PCNX2: variants seen among roughly 807,000 people sequenced by gnomAD.
PCNX2 encodes the protein pecanex-like protein 2.
PCNX2 carries 168 observed loss-of-function variants against 223.8 expected under a neutral mutation model. That is an observed-to-expected ratio of 0.75 (90% CI 0.66 to 0.85). PCNX2 has a LOEUF of 0.85. Among genes scored for constraint, PCNX2 ranks in the 40% least tolerant of loss-of-function variants. The pLI is 0.00. For missense variants in PCNX2, 2,507 were observed against 2,675.5 expected (o/e 0.94, Z 1.39); for synonymous variants, 1,006 against 1,052.6 (o/e 0.96, Z 0.86).
intron 26 of PCNX2, among the ~76,000 whole-genome samples, chr1:233,019,632 C>T (rs1040012910): frequency 2.6e-5 from 4 of 152,028 alleles, no homozygotes; most frequent in African/African-American, 7.3e-5. Flanking sequence ...ACCCAGCAAG[C>T]AGGATGAGCG....
At chr1:232,998,145 G>A in intron 32 of PCNX2, 106 bp downstream of exon 32, 3 of 1,203,752 alleles carry the variant, frequency 2.5e-6, no homozygotes, top group Non-Finnish European at 3.3e-6. Context: ...TTGTCCCAAT[G>A]CAAGAAGGTG....
rs1422476377 is a variant in PCNX2, at chr1:233,262,100, AGG to A, written c.423_424del (p.Leu142ProfsTer85). 3 of 1,613,768 alleles carry A rather than the reference AGG, an allele frequency of 1.9e-6. No homozygotes were observed. In the African/African-American group the frequency reaches 4.0e-5, roughly 22 times the overall value. ...GCTTTGCCCTCTGGAGCTGCAGCGG[AGG>A]GGAGGCGTGGAGAGGTTTCGACTGG... On this transcript the variant is annotated frameshift_variant, in exon 3 of 34. Transcript: ENST00000258229. LOFTEE classifies it high-confidence loss of function.
At chr1:233,177,926 T>C in intron 16 of PCNX2, 28 bp from the exon 17 acceptor site, 1 of 1,564,400 alleles carries the variant, frequency 6.4e-7, no homozygotes, top group South Asian at 1.1e-5. Context: ...CAATACTTCA[T>C]CAAAGATGTT....
chr1:233,153,192 T>G (rs1399875836), intron 19 of PCNX2, among the ~76,000 whole-genome samples: 1 of 152,112 alleles, frequency 6.6e-6, no homozygotes, highest in African/African-American at 2.4e-5. Context: ...AAGTATGAAG[T>G]AGAATAAAAC....
At chr1:232,996,182 G>A (rs1571990938) in intron 32 of PCNX2, among the ~76,000 whole-genome samples, 1 of 152,214 alleles carries the variant, frequency 6.6e-6, no homozygotes, top group East Asian at 1.9e-4. Flanking sequence ...TTTCTGCCAA[G>A]CTTCAAGAAA....
At position 232,999,294 on chromosome 1, in the gene PCNX2, C is replaced by T; in HGVS notation, c.5414G>A (p.Ser1805Asn). The change falls in exon 31 of 34, where the codon AGT (serine) becomes AAT (asparagine). Residue 1805 changes from serine (S) to asparagine (N), a missense_variant. By Grantham distance (46) the Ser-to-Asn change is conservative. Around this residue, in one of 3 missense-constraint regions of PCNX2, gnomAD observed 1,372 missense variants for 1,509.4 expected, o/e 0.91. Coordinates refer to ENST00000258229, the MANE Select transcript of PCNX2 (RefSeq NM_014801.4). ...FLRNRNPERG[S>N]IQNNKQVLRN... ...CAGGACCTGCTTATTGTTCTGGATA[C>T]TGCCGCGCTCCGGATTGCGGTTGCG... The T allele has an allele frequency of 6.2e-7, 1 of 1,611,334 alleles. No individual in the cohort carries two copies. Among genetic ancestry groups the T allele is most frequent in the Non-Finnish European group, 8.5e-7 (1 of 1,178,684 alleles).
At chr1:233,077,941 T>A (rs1673171398) in intron 23 of PCNX2, among the ~76,000 whole-genome samples, 1 of 152,158 alleles carries the variant, frequency 6.6e-6, no homozygotes, top group Non-Finnish European at 1.5e-5. Flanking sequence ...GCTTCCAAAG[T>A]GACAAGAAAA....
rs140114287 is a variant in PCNX2, at chr1:233,062,466, C to T, written c.4077-5176G>A. On this transcript the variant is annotated intron_variant, in intron 23 of 33. Transcript: ENST00000258229. ...CTTTTTTTCCATATAAGTTTTGCTA[C>T]GTGACTTAATGCATTGATATTCATA... 4.4e-3 allele frequency among the ~76,000 whole-genome samples: 669 copies of T among 152,154 alleles called. 6 individuals are homozygous for T. Among genetic ancestry groups the T allele is most frequent in the African/African-American group, 0.015 (616 of 41,522 alleles).
chr1:233,050,617 G>C (rs1261294539), intron 25 of PCNX2, among the ~76,000 whole-genome samples: 1 of 152,146 alleles, frequency 6.6e-6, no homozygotes, highest in East Asian at 1.9e-4. Flanking sequence ...TGCTGGGATA[G>C]CTGGCTAGCC....
intron 21 of PCNX2, among the ~76,000 whole-genome samples, chr1:233,107,222 C>A (rs997361131): frequency 1.3e-5 from 2 of 150,986 alleles, no homozygotes; most frequent in Non-Finnish European, 3.0e-5. Flanking sequence ...CAAAACCATG[C>A]ACAGCCTTTT....
intron 19 of PCNX2, among the ~76,000 whole-genome samples, chr1:233,145,410 A>AT (rs1412897349): frequency 2.6e-5 from 4 of 152,096 alleles, no homozygotes; most frequent in Admixed American, 1.3e-4. Context: ...GCCAAGACTC[A>AT]TTTTTTTCCA....
At chr1:233,132,056 C>T (rs1181416179) in intron 21 of PCNX2, among the ~76,000 whole-genome samples, 2 of 151,990 alleles carry the variant, frequency 1.3e-5, no homozygotes, top group African/African-American at 4.8e-5. Context: ...CCTGCATCAG[C>T]CTCCTGACTA....
intron 10 of PCNX2, among the ~76,000 whole-genome samples, chr1:233,225,404 C>T (rs922169918): frequency 3.5e-4 from 53 of 152,204 alleles, no homozygotes; most frequent in African/African-American, 1.3e-3. Context: ...GGTTTCATAG[C>T]CATCCTAAGA....
the PCNX2 span, among the ~76,000 whole-genome samples, chr1:233,301,881 T>G: frequency 6.6e-6 from 1 of 151,212 alleles, no homozygotes; most frequent in African/African-American, 2.4e-5. Flanking sequence ...AATCTCTGTC[T>G]CCTGGGTTCA....
At position 233,234,126 on chromosome 1, in the gene PCNX2, T is replaced by C. The variant is rs988144070; in HGVS notation, c.2358+2719A>G. Among the ~76,000 whole-genome samples the C allele has an allele frequency of 2.0e-5, 3 of 152,310 alleles. No individual in the cohort carries two copies. The East Asian group carries it at 5.8e-4, about 29-fold the overall frequency. On this transcript the variant is annotated intron_variant, in intron 9 of 33. Transcript: ENST00000258229. Reference sequence around the variant, plus strand: ...TCTTGTAGGCAGGGACTGAGTCTTTTCACCATTGTATACCCAGCTTCTAGC... The same window carrying C: ...TCTTGTAGGCAGGGACTGAGTCTTTCCACCATTGTATACCCAGCTTCTAGC...
At chr1:233,078,818 T>C (rs979304206) in intron 23 of PCNX2, among the ~76,000 whole-genome samples, 2 of 152,218 alleles carry the variant, frequency 1.3e-5, no homozygotes, top group African/African-American at 2.4e-5. Flanking sequence ...AGCAATGCTG[T>C]TTGAGAAATT....
At chr1:233,238,563 C>T (rs895818733) in intron 8 of PCNX2, among the ~76,000 whole-genome samples, 3 of 151,936 alleles carry the variant, frequency 2.0e-5, no homozygotes, top group Non-Finnish European at 4.4e-5. Context: ...CATGGTGGCA[C>T]ATGCCTGTAG....
At chr1:233,318,713 T>C in the PCNX2 span, among the ~76,000 whole-genome samples, 2 of 151,952 alleles carry the variant, frequency 1.3e-5, no homozygotes, top group Non-Finnish European at 1.5e-5. Flanking sequence ...ATTACAGGTG[T>C]CTGCCATCAT....
chr1:233,056,449 G>GT (rs1011424821), intron 24 of PCNX2, among the ~76,000 whole-genome samples: 3 of 152,174 alleles, frequency 2.0e-5, no homozygotes, highest in African/African-American at 7.2e-5. Flanking sequence ...CCTCTGCCTT[G>GT]TATCAATAGC....
Sources: gnomAD v4.1 joint callset for allele counts (sites outside exome capture counted in the v4.1 genomes callset) on GRCh38, gnomAD v4.1.1 for gene constraint, gnomAD v4.1.1 regional missense constraint, MANE v1.5 for transcripts, NCBI Gene and HGNC (gene_info 2026-07-23, HGNC 2026-07-21) for gene names.